The following UST variants were observed in gnomAD, a reference collection of about 807,000 sequenced individuals.
The protein encoded by UST is chondroitin sulfate 2-O-sulfotransferase.
Under a neutral mutation model 45.6 loss-of-function variants are expected in UST, and 21 were observed. The ratio of observed to expected loss-of-function variants is 0.46; its 90% confidence interval spans 0.33 to 0.66. The LOEUF (loss-of-function observed/expected upper bound fraction) is 0.66, where lower values mean the gene tolerates loss of function less well. Among genes scored for constraint, UST ranks in the 30% least tolerant of loss-of-function variants. The pLI is 0.02. For missense variants in UST, 463 were observed against 512.4 expected (o/e 0.90, Z 0.93); for synonymous variants, 215 against 200.6 (o/e 1.07, Z -0.61).
intron 5 of UST, among the ~76,000 whole-genome samples, chr6:148,976,318 A>G (rs757504020): frequency 7.9e-5 from 12 of 152,188 alleles, no homozygotes; most frequent in Non-Finnish European, 1.8e-4. Flanking sequence ...TGTGGTGTCA[A>G]TACTTCTCAC....
intron 1 of UST, among the ~76,000 whole-genome samples, chr6:148,853,568 A>G (rs187660581): frequency 2.0e-5 from 3 of 152,288 alleles, no homozygotes; most frequent in African/African-American, 4.8e-5. Flanking sequence ...ACTAATTTAC[A>G]TTCCCACCAA....
intron 2 of UST, among the ~76,000 whole-genome samples, chr6:148,932,843 T>TA (rs1367052776): frequency 6.6e-6 from 1 of 152,238 alleles, no homozygotes; most frequent in African/African-American, 2.4e-5. Context: ...ATGGAATTAA[T>TA]ATTTAGAAGT....
intron 2 of UST, among the ~76,000 whole-genome samples, chr6:148,921,348 G>A (rs561423658): frequency 4.6e-5 from 7 of 152,354 alleles, no homozygotes; most frequent in African/African-American, 1.4e-4. Context: ...AAGTGAACAG[G>A]AGAATCGCCC....
At chr6:148,858,509 T>A (rs1159559297) in intron 1 of UST, among the ~76,000 whole-genome samples, 2 of 151,772 alleles carry the variant, frequency 1.3e-5, no homozygotes, top group African/African-American at 4.8e-5. Context: ...TTTTTTTTTT[T>A]AATTATACTT....
chr6:149,058,183 C>A (rs921481818), intron 7 of UST, among the ~76,000 whole-genome samples: 3 of 151,940 alleles, frequency 2.0e-5, no homozygotes, highest in Non-Finnish European at 1.5e-5. Flanking sequence ...AGTAATAGAC[C>A]AACATGAAAA....
At chr6:149,039,438 C>A (rs1343818514) in intron 7 of UST, among the ~76,000 whole-genome samples, 2 of 152,120 alleles carry the variant, frequency 1.3e-5, no homozygotes, top group African/African-American at 4.8e-5. Flanking sequence ...GTTGGTCAGG[C>A]TGGTCTCAAA....
chr6:149,061,426 A>C (rs994000633), intron 7 of UST, among the ~76,000 whole-genome samples: 2 of 152,268 alleles, frequency 1.3e-5, no homozygotes, highest in Admixed American at 1.3e-4. Flanking sequence ...GATCTTGGGC[A>C]GTAAAACAAA....
At chr6:148,949,711 T>C (rs1162791917) in intron 3 of UST, among the ~76,000 whole-genome samples, 1 of 152,188 alleles carries the variant, frequency 6.6e-6, no homozygotes, top group African/African-American at 2.4e-5. Flanking sequence ...CTTCATTTCA[T>C]AAATATTTGT....
chr6:148,815,927 A>G (rs1037095089), intron 1 of UST, among the ~76,000 whole-genome samples: 1 of 152,168 alleles, frequency 6.6e-6, no homozygotes, highest in Non-Finnish European at 1.5e-5. Context: ...TTTTCATTAT[A>G]CTCAGCTTCC....
chr6:148,861,980 TG>T (rs1778325652), intron 1 of UST, among the ~76,000 whole-genome samples: 3 of 152,210 alleles, frequency 2.0e-5, no homozygotes, highest in Admixed American at 2.0e-4. Flanking sequence ...TCTGTTGATT[TG>T]GGGTGGAGAG....
At position 148,987,189 on chromosome 6, in the gene UST, A is replaced by G. The variant is rs182368975; in HGVS notation, c.681+22626A>G. On this transcript the variant is annotated intron_variant, in intron 5 of 7. Transcript: ENST00000367463. ...CCACAAACCAGGAGATACATTAATTACTTGCCTCCCTGGCCACTCTCAGTT... is the reference window on the plus strand; with the variant it reads ...CCACAAACCAGGAGATACATTAATTGCTTGCCTCCCTGGCCACTCTCAGTT... 5.3e-3 allele frequency among the ~76,000 whole-genome samples: 808 copies of G among 152,324 alleles called. 5 individuals are homozygous for G. The highest frequency in any genetic ancestry group is 0.048 in the Middle Eastern group (14 of 294).
At chr6:148,887,736 T>C (rs1778939031) in intron 2 of UST, among the ~76,000 whole-genome samples, 1 of 152,180 alleles carries the variant, frequency 6.6e-6, no homozygotes, top group Admixed American at 6.5e-5. Context: ...TTTTTTTCCT[T>C]CTAGGAAATG....
chr6:148,937,891 A>G (rs1012317498), intron 2 of UST, among the ~76,000 whole-genome samples: 1 of 152,206 alleles, frequency 6.6e-6, no homozygotes, highest in African/African-American at 2.4e-5. Context: ...CCTGGTTGTA[A>G]TGGAAACTCC....
chr6:148,770,848 CTT>C (rs1264265193), intron 1 of UST, among the ~76,000 whole-genome samples: 1 of 152,126 alleles, frequency 6.6e-6, no homozygotes, highest in Admixed American at 6.5e-5. Context: ...GGTCCTTTGC[CTT>C]TTCGCCTCAT....
At chr6:149,000,000 G>A (rs1229016101) in intron 5 of UST, among the ~76,000 whole-genome samples, 1 of 152,204 alleles carries the variant, frequency 6.6e-6, no homozygotes, top group African/African-American at 2.4e-5. Context: ...CCTGAGTGGT[G>A]AGCAATGATG....
chr6:148,898,469 C>T (rs1048689409), intron 2 of UST, among the ~76,000 whole-genome samples: 17 of 152,262 alleles, frequency 1.1e-4, no homozygotes, highest in South Asian at 8.3e-4. Context: ...ACTCTTACTT[C>T]GCGCTCATCA....
chr6:148,902,962 C>T (rs1308178087), intron 2 of UST, among the ~76,000 whole-genome samples: 5 of 152,180 alleles, frequency 3.3e-5, no homozygotes, highest in Admixed American at 6.5e-5. Flanking sequence ...GGGGTCTTTA[C>T]ATTTCACACT....
At chr6:148,771,972 T>A (rs1017668184) in intron 1 of UST, among the ~76,000 whole-genome samples, 3 of 152,228 alleles carry the variant, frequency 2.0e-5, no homozygotes, top group African/African-American at 7.2e-5. Flanking sequence ...TAGAGAATCA[T>A]AGGGACAATA....
chr6:148,923,225 G>A (rs983178387), intron 2 of UST, among the ~76,000 whole-genome samples: 2 of 152,180 alleles, frequency 1.3e-5, no homozygotes, highest in Non-Finnish European at 2.9e-5. Flanking sequence ...CCACTTTTGG[G>A]TTATTATGAA....
Sources: gnomAD v4.1 joint callset for allele counts (sites outside exome capture counted in the v4.1 genomes callset) on GRCh38, gnomAD v4.1.1 for gene constraint, MANE v1.5 for transcripts, NCBI Gene and HGNC (gene_info 2026-07-23, HGNC 2026-07-21) for gene names.